Variants in CLSTN2 observed in about 807,000 individuals in gnomAD.
CLSTN2 encodes calsyntenin 2.
CLSTN2 carries 48 observed loss-of-function variants against 101.2 expected under a neutral mutation model. That is an observed-to-expected ratio of 0.47 (90% confidence interval 0.38 to 0.60). CLSTN2 has a LOEUF of 0.60. Ranked by LOEUF, CLSTN2 falls within the 20% of genes least tolerant of loss-of-function variation. The probability of loss-of-function intolerance (pLI) is 0.00; values close to 1 mark genes in which losing one functional copy is unlikely to be tolerated. For synonymous variants in CLSTN2, 481 were observed against 463.6 expected (o/e 1.04, Z -0.48); for missense variants, 1,160 against 1,238.2 (o/e 0.94, Z 0.95).
intron 1 of CLSTN2, among the ~76,000 whole-genome samples, chr3:140,085,385 T>C (rs1410362441): frequency 1.3e-5 from 2 of 152,200 alleles, no homozygotes; most frequent in Non-Finnish European, 2.9e-5. Flanking sequence ...CCTCATTACA[T>C]ATACGTAAGC....
intron 4 of CLSTN2, among the ~76,000 whole-genome samples, chr3:140,419,248 T>TC (rs2088465966): frequency 6.6e-6 from 1 of 150,768 alleles, no homozygotes; most frequent in African/African-American, 2.5e-5. Context: ...TTTGGGAGGA[T>TC]GAGGCAGGTG....
chr3:140,176,189 G>A lies in CLSTN2; in HGVS notation c.232+116G>A, dbSNP rs961310179. The stretch of plus-strand genomic sequence containing the variant: ...ATTGTCACCACCCTGTGCATCTCTA[G>A]ATCAGCCTGTGATGTTAAAGCTGTA... On this transcript the variant is annotated intron_variant, in intron 2 of 16. Transcript: ENST00000458420. The A allele has an allele frequency of 2.6e-6, 3 of 1,134,764 alleles. No individual in the cohort carries two copies. In the Admixed American group the frequency reaches 7.2e-5, roughly 27 times the overall value. The allele number at this position is 1,134,764 out of a possible 1,614,324, so 70.3% of individuals were successfully genotyped here.
chr3:140,109,165 T>C (rs866250809), intron 1 of CLSTN2, among the ~76,000 whole-genome samples: 1 of 152,148 alleles, frequency 6.6e-6, no homozygotes, highest in Non-Finnish European at 1.5e-5. Flanking sequence ...GGAAACGTCT[T>C]ATTTTTTTTC....
At chr3:140,469,715 G>T (rs1312663111) in intron 8 of CLSTN2, among the ~76,000 whole-genome samples, 2 of 152,156 alleles carry the variant, frequency 1.3e-5, no homozygotes, top group African/African-American at 4.8e-5. Flanking sequence ...GCTCTTCTGT[G>T]CATGTTATAG....
intron 6 of CLSTN2, among the ~76,000 whole-genome samples, chr3:140,451,738 G>A (rs1379881519): frequency 6.6e-6 from 1 of 152,190 alleles, no homozygotes; most frequent in Non-Finnish European, 1.5e-5. Context: ...CCTGACTCCT[G>A]TAGGGTACTT....
At chr3:140,313,430 G>T (rs190078312) in intron 2 of CLSTN2, among the ~76,000 whole-genome samples, 1 of 152,246 alleles carries the variant, frequency 6.6e-6, no homozygotes, top group Non-Finnish European at 1.5e-5. Context: ...GGGCCCTCAC[G>T]AAAGACTCCA....
chr3:140,479,986 T>C (rs1001676382), intron 8 of CLSTN2, among the ~76,000 whole-genome samples: 1 of 152,128 alleles, frequency 6.6e-6, no homozygotes, highest in African/African-American at 2.4e-5. Context: ...AGTTTTAGGG[T>C]ACACGTGCAC....
chr3:140,514,894 G>T (rs1934887507), intron 8 of CLSTN2, among the ~76,000 whole-genome samples: 1 of 152,116 alleles, frequency 6.6e-6, no homozygotes, highest in South Asian at 2.1e-4. Flanking sequence ...TTCATAGAAT[G>T]ATTTAGGGAG....
chr3:140,462,993 T>C (rs889297558), intron 7 of CLSTN2, among the ~76,000 whole-genome samples: 1 of 152,200 alleles, frequency 6.6e-6, no homozygotes, highest in Non-Finnish European at 1.5e-5. Flanking sequence ...AGTTTAAATG[T>C]GAACCTAGGA....
chr3:140,550,103 C>G (rs1363462738), intron 10 of CLSTN2, among the ~76,000 whole-genome samples: 1 of 151,448 alleles, frequency 6.6e-6, no homozygotes, highest in Non-Finnish European at 1.5e-5. Flanking sequence ...CTAGACACTC[C>G]TAGGTTCAAA....
At chr3:140,508,549 T>A (rs1934730036) in intron 8 of CLSTN2, 1 of 152,236 alleles carries the variant, frequency 6.6e-6, no homozygotes, top group Non-Finnish European at 1.5e-5. Flanking sequence ...TGACTCTCTT[T>A]GAAGACAATT....
chr3:140,074,127 T>C (rs908978718), intron 1 of CLSTN2, among the ~76,000 whole-genome samples: 4 of 152,218 alleles, frequency 2.6e-5, no homozygotes, highest in African/African-American at 9.6e-5. Context: ...TATAGCTTGC[T>C]GTTTTGCTTT....
intron 1 of CLSTN2, among the ~76,000 whole-genome samples, chr3:140,106,357 C>T (rs1310852075): frequency 2.0e-5 from 3 of 152,158 alleles, no homozygotes; most frequent in Non-Finnish European, 4.4e-5. Context: ...AGGCTTCTTC[C>T]CATTGACAAG....
chr3:139,996,326 G>T (rs2006658139), intron 1 of CLSTN2, among the ~76,000 whole-genome samples: 1 of 152,064 alleles, frequency 6.6e-6, no homozygotes, highest in Non-Finnish European at 1.5e-5. Context: ...TCTGCTGTTG[G>T]GTCTTTGGGT....
intron 1 of CLSTN2, among the ~76,000 whole-genome samples, chr3:140,143,471 A>G (rs1312798606): frequency 6.6e-6 from 1 of 152,152 alleles, no homozygotes; most frequent in Non-Finnish European, 1.5e-5. Context: ...GCCTGTCCAC[A>G]TTGTTGAGAG....
In CLSTN2 at chr3:140,533,252, G is replaced by A. The variant is rs78797059; in HGVS notation, c.1507+766G>A. Among the ~76,000 whole-genome samples the A allele has an allele frequency of 5.9e-3, 891 of 152,288 alleles. 8 individuals are homozygous for A. Among genetic ancestry groups the A allele is most frequent in the African/African-American group, 0.02 (842 of 41,548 alleles). ...CTTTAAGGGCTGGGTATGCTTTGAA[G>A]TACCAGTAAGAGAGCAGAAGGATAT... On this transcript the variant is annotated intron_variant, in intron 9 of 16. Transcript: ENST00000458420.
intron 8 of CLSTN2, among the ~76,000 whole-genome samples, chr3:140,517,944 G>T (rs906266779): frequency 2.0e-5 from 3 of 152,142 alleles, no homozygotes; most frequent in African/African-American, 7.2e-5. Flanking sequence ...ACCATCAGGT[G>T]GTGGCAGGGT....
At chr3:140,420,203 CATTT>C (rs937179779) in intron 4 of CLSTN2, among the ~76,000 whole-genome samples, 1 of 151,278 alleles carries the variant, frequency 6.6e-6, no homozygotes, top group African/African-American at 2.4e-5. Context: ...CTATTTTGTT[CATTT>C]GTTTTTTAAT....
chr3:140,292,189 A>G (rs1462437225), intron 2 of CLSTN2, among the ~76,000 whole-genome samples: 1 of 152,044 alleles, frequency 6.6e-6, no homozygotes. Context: ...TGCTCAGGAC[A>G]CCCAAACCCT....
Sources: allele counts gnomAD v4.1 joint callset (sites outside exome capture counted in the v4.1 genomes callset), GRCh38; gene constraint gnomAD v4.1.1; transcripts MANE v1.5; gene names NCBI Gene and HGNC (gene_info 2026-07-23, HGNC 2026-07-21).